Variants in MRPL45 observed in about 807,000 individuals in gnomAD.
MRPL45 encodes large ribosomal subunit protein mL45.
MRPL45 carries 20 observed loss-of-function variants against 38.1 expected under a neutral mutation model. The observed-to-expected ratio is 0.53, with a 90% confidence interval of 0.37 to 0.76. The LOEUF (loss-of-function observed/expected upper bound fraction) is 0.76. Among genes scored for constraint, MRPL45 ranks in the 30% least tolerant of loss-of-function variants. The pLI is 0.00. For missense variants in MRPL45, 337 were observed against 395.6 expected, an observed-to-expected ratio of 0.85 and a Z score of 1.26; for synonymous variants, 105 against 128.8, an observed-to-expected ratio of 0.82 and a Z score of 1.25.
chr17:38,313,211 C>T (rs2037130956), intron 4 of MRPL45, among the ~76,000 whole-genome samples: 1 of 148,806 alleles, frequency 6.7e-6, no homozygotes, highest in Admixed American at 6.7e-5. Context: ...TCTCAATCTC[C>T]TGACCTCGTG....
At position 38,314,181 on chromosome 17, in the gene MRPL45, C is replaced by A. The variant is rs369192595; in HGVS notation, c.462-4506C>A. On this transcript the variant is annotated intron_variant, in intron 4 of 7. Transcript: ENST00000613675. ...GTGCAATGGCGTGATCTCGGCTCAC[C>A]GCAACCTCTGCCTCCTGGGTTCAAG... Among the ~76,000 whole-genome samples the A allele has an allele frequency of 6.6e-3, 990 of 150,574 alleles. 6 individuals are homozygous for A. Among genetic ancestry groups the A allele is most frequent in the Middle Eastern group, 0.033 (9 of 276 alleles).
At chr17:38,318,802 T>TTTTTC (rs1555562664) in intron 5 of MRPL45, 67 bp downstream of exon 5, 12 of 881,872 alleles carry the variant, frequency 1.4e-5, no homozygotes, top group Middle Eastern at 2.6e-4. Context: ...GCGTCTCTGG[T>TTTTTC]TTTTCTTTTC....
At chr17:38,314,541 CCA>C (rs2037155782) in intron 4 of MRPL45, among the ~76,000 whole-genome samples, 1 of 152,148 alleles carries the variant, frequency 6.6e-6, no homozygotes, top group African/African-American at 2.4e-5. Flanking sequence ...ATTGCCAAAT[CCA>C]GTGTCATGAA....
intron 4 of MRPL45, among the ~76,000 whole-genome samples, chr17:38,310,236 T>G (rs2037097997): frequency 1.3e-5 from 2 of 151,532 alleles, no homozygotes; most frequent in Admixed American, 6.6e-5. Context: ...CTGTGTCTGA[T>G]AACTTCAAAA....
chr17:38,306,226 G>A (rs1247846826), intron 3 of MRPL45, among the ~76,000 whole-genome samples: 13 of 151,148 alleles, frequency 8.6e-5, no homozygotes, highest in South Asian at 4.2e-4. Context: ...TGGCTAACAC[G>A]GTGAAACCCC....
Position 38,320,628 on chromosome 17 carries a change from G to C in MRPL45, c.521G>C (p.Trp174Ser), listed in dbSNP as rs2037219784. 1.2e-6 allele frequency: 2 copies of C among 1,613,990 alleles called. No homozygotes were observed. Among genetic ancestry groups the C allele is most frequent in the African/African-American group, 2.7e-5 (2 of 74,908 alleles). ...CTCCTTTGCCCTTAGGACATGACTT[G>C]GGACATCAAATATAAGACCGTCCGC... is the stretch of plus-strand genomic sequence containing the variant. ...VTEHCFPDMT[W>S]DIKYKTVRWS... is the part of the protein sequence containing the mutation. Residue 174 changes from tryptophan to serine, a missense_variant, in exon 6 of 8, where the codon TGG becomes TCG. This residue lies in a region of MRPL45 where 251 missense variants were observed against 269.1 expected (regional missense o/e 0.93). Coordinates refer to ENST00000613675, the MANE Select transcript of MRPL45 (RefSeq NM_032351.6).
rs759994088 is a variant in MRPL45, at chr17:38,306,491, T to C, written c.363-42T>C. The C allele has an allele frequency of 6.7e-6, 10 of 1,503,144 alleles. No homozygotes were observed. The Admixed American group carries it at 1.8e-4, about 27-fold the overall frequency. 93.1% of individuals were successfully genotyped at this position (1,503,144 alleles called of 1,614,324 possible). A position where few individuals can be genotyped will look rare whatever the true frequency, so the allele number is the denominator to read the frequency against. ...TCAGTGTAGGCTGTGAATTATGGAA[T>C]TGTAAGACCTTTAGAAGTAATACTC... On this transcript the variant is annotated intron_variant, in intron 3 of 7. Transcript: ENST00000613675.
rs2037242345 is a variant in MRPL45 at position 38,322,548 on chromosome 17, G to T, written c.874G>T (p.Glu292Ter). 1 of 1,613,586 alleles carries T rather than the reference G, an allele frequency of 6.2e-7. No homozygotes were observed. Among genetic ancestry groups the T allele is most frequent in the Non-Finnish European group, 8.5e-7 (1 of 1,179,978 alleles). ...IPGPQLKPEEEYEEAQGEAQK... is the reference protein window; with the variant it reads ...IPGPQLKPEE ...TGGCCCTCAGCTGAAACCAGAAGAA[G>T]AATATGAAGAGGCACAAGGAGAGGC... The change falls in exon 8 of 8, where the codon GAA (glutamate) becomes TAA (stop). Residue 292 changes from glutamate to a stop codon, truncating the protein, a stop_gained. Coordinates refer to ENST00000613675, the MANE Select transcript of MRPL45 (RefSeq NM_032351.6). LOFTEE classifies it high-confidence loss of function.
intron 3 of MRPL45, among the ~76,000 whole-genome samples, chr17:38,301,663 C>A (rs2036997098): frequency 6.6e-6 from 1 of 152,198 alleles, no homozygotes; most frequent in Non-Finnish European, 1.5e-5. Flanking sequence ...TCATGTATTT[C>A]TCTCCTGGAC....
intron 4 of MRPL45, among the ~76,000 whole-genome samples, chr17:38,312,988 T>TTA (rs2144224949): frequency 7.1e-6 from 1 of 141,480 alleles, no homozygotes; most frequent in East Asian, 2.1e-4. Flanking sequence ...TTATTGGTTT[T>TTA]TTTTTTTTTT....
chr17:38,310,480 C>G (rs2037101382), intron 4 of MRPL45, among the ~76,000 whole-genome samples: 1 of 152,000 alleles, frequency 6.6e-6, no homozygotes, highest in South Asian at 2.1e-4. Flanking sequence ...AGGTGCACAC[C>G]ATGATGCCCA....
In MRPL45 at chr17:38,298,510, C is replaced by T. The variant is rs1480745551; in HGVS notation, c.128C>T (p.Pro43Leu). Residue 43 changes from proline to leucine, a missense_variant, in exon 2 of 8, where the codon CCT (proline) becomes CTT (leucine). Coordinates refer to ENST00000613675, the MANE Select transcript of MRPL45 (RefSeq NM_032351.6). ...GTAAGAACTAAAAAACGTTTCACAC[C>T]TCCTATTTATCAACCTAAATTTAAA... ...VPVRTKKRFTPPIYQPKFKTE... is the reference protein window; with the variant it reads ...VPVRTKKRFTLPIYQPKFKTE... The T allele has an allele frequency of 1.2e-5, 19 of 1,613,944 alleles. No individual in the cohort carries two copies. In the East Asian group the frequency reaches 2.2e-4, roughly 19 times the overall value.
intron 4 of MRPL45, among the ~76,000 whole-genome samples, 185 bp from the exon 5 acceptor site, chr17:38,318,501 TG>T (rs1357961113): frequency 1.3e-5 from 2 of 151,710 alleles, no homozygotes; most frequent in African/African-American, 4.8e-5. Context: ...TAGGGTTTTC[TG>T]GTAAATCACA....
At chr17:38,302,107 A>G (rs1350263570) in intron 3 of MRPL45, among the ~76,000 whole-genome samples, 1 of 103,736 alleles carries the variant, frequency 9.6e-6, no homozygotes, top group African/African-American at 3.7e-5. Context: ...ACAGAGCAAG[A>G]CTCCGTCTCA....
chr17:38,305,197 C>A (rs1005578138), intron 3 of MRPL45, among the ~76,000 whole-genome samples: 1 of 134,482 alleles, frequency 7.4e-6, no homozygotes, highest in African/African-American at 2.6e-5. Flanking sequence ...TGCCAGGTGC[C>A]ATGGCTCAGG....
At chr17:38,302,486 C>CAAAAA (rs1301214106) in intron 3 of MRPL45, among the ~76,000 whole-genome samples, 3 of 55,762 alleles carry the variant, frequency 5.4e-5, no homozygotes, top group African/African-American at 6.9e-5. Flanking sequence ...GACTCCATCT[C>CAAAAA]AAAAAAAAAA....
rs1484995288 is a variant in MRPL45, at chr17:38,306,557, T to G, written c.387T>G (p.Asp129Glu). ...GAATCCGGAGGATAAAAGACTATGA[T>G]GCCAACTTTAAAATAAAGGACTTCC... ...QVSIRRIKDYDANFKIKDFPE... is the reference protein window; with the variant it reads ...QVSIRRIKDYEANFKIKDFPE... The change falls in exon 4 of 8, where the codon GAT becomes GAG. Residue 129 changes from aspartate to glutamate, a missense_variant. Around this residue, in one of 3 missense-constraint regions of MRPL45, gnomAD observed 251 missense variants for 269.1 expected, o/e 0.93. Coordinates refer to ENST00000613675, the MANE Select transcript of MRPL45 (RefSeq NM_032351.6). 8.1e-6 allele frequency: 13 copies of G among 1,610,452 alleles called. No homozygotes were observed. The highest frequency in any genetic ancestry group is 9.3e-6 in the Non-Finnish European group (11 of 1,178,756).
chr17:38,318,383 G>A (rs891645502), intron 4 of MRPL45, among the ~76,000 whole-genome samples: 9 of 151,590 alleles, frequency 5.9e-5, no homozygotes, highest in African/African-American at 2.2e-4. Context: ...CCATCTTAAG[G>A]ATATATGGTA....
chr17:38,313,333 C>CGTATATAT (rs1230995888), intron 4 of MRPL45, among the ~76,000 whole-genome samples: 2 of 17,252 alleles, frequency 1.2e-4, no homozygotes, highest in African/African-American at 4.6e-4. Flanking sequence ...TATATATATA[C>CGTATATAT]ATATATATAT....
Sources: gnomAD v4.1 joint callset for allele counts (sites outside exome capture counted in the v4.1 genomes callset) on GRCh38, gnomAD v4.1.1 for gene constraint, gnomAD v4.1.1 regional missense constraint, MANE v1.5 for transcripts, NCBI Gene and HGNC (gene_info 2026-07-23, HGNC 2026-07-21) for gene names.